The following KCNAB1 variants were observed in gnomAD, a reference collection of about 807,000 sequenced individuals.
KCNAB1 encodes the protein potassium voltage-gated channel subfamily A regulatory beta subunit 1.
Under a neutral mutation model 64.6 loss-of-function variants are expected in KCNAB1, and 35 were observed. The ratio of observed to expected loss-of-function variants is 0.54; its 90% confidence interval spans 0.41 to 0.72. The LOEUF (loss-of-function observed/expected upper bound fraction) is 0.72, where lower values mean the gene tolerates loss of function less well. Among genes scored for constraint, KCNAB1 ranks in the 30% least tolerant of loss-of-function variants. KCNAB1 has a pLI of 0.00. For synonymous variants in KCNAB1, 177 were observed against 183.8 expected (o/e 0.96, Z 0.30); for missense variants, 401 against 512.9 (o/e 0.78, Z 2.11).
At chr3:156,230,502 C>G (rs1395431383) in intron 1 of KCNAB1, among the ~76,000 whole-genome samples, 2 of 152,140 alleles carry the variant, frequency 1.3e-5, no homozygotes, top group African/African-American at 4.8e-5. Context: ...ATCTCTGTTG[C>G]TAAGCAACAT....
At chr3:156,328,560 G>A (rs921997211) in intron 1 of KCNAB1, among the ~76,000 whole-genome samples, 1 of 152,098 alleles carries the variant, frequency 6.6e-6, no homozygotes, top group Non-Finnish European at 1.5e-5. Flanking sequence ...TGTCGTTATT[G>A]TATTAAATAC....
At chr3:156,430,411 C>T (rs1224074742) in intron 2 of KCNAB1, among the ~76,000 whole-genome samples, 1 of 152,186 alleles carries the variant, frequency 6.6e-6, no homozygotes, top group East Asian at 1.9e-4. Context: ...CATTTGCCAA[C>T]CTATGATTCA....
intron 1 of KCNAB1, among the ~76,000 whole-genome samples, chr3:156,367,727 C>T (rs1726037868): frequency 6.6e-6 from 1 of 152,222 alleles, no homozygotes; most frequent in South Asian, 2.1e-4. Flanking sequence ...CCTTTTCTTT[C>T]CCCTTCTCCC....
At chr3:156,456,493 AG>A (rs1712439681) in intron 3 of KCNAB1, among the ~76,000 whole-genome samples, 1 of 152,272 alleles carries the variant, frequency 6.6e-6, no homozygotes, top group Non-Finnish European at 1.5e-5. Context: ...AATTAAAAGC[AG>A]TAATAGCATA....
intron 3 of KCNAB1, among the ~76,000 whole-genome samples, chr3:156,455,125 C>T (rs1712303787): frequency 6.6e-6 from 1 of 152,218 alleles, no homozygotes; most frequent in African/African-American, 2.4e-5. Flanking sequence ...TTCAGCCTCA[C>T]CCATCACAGA....
intron 1 of KCNAB1, among the ~76,000 whole-genome samples, chr3:156,385,611 A>T (rs1421952001): frequency 6.6e-6 from 1 of 152,246 alleles, no homozygotes; most frequent in East Asian, 1.9e-4. Flanking sequence ...AAAATAAATT[A>T]TACTAAGAGA....
chr3:156,348,164 G>A (rs1724609400), intron 1 of KCNAB1, among the ~76,000 whole-genome samples: 1 of 152,190 alleles, frequency 6.6e-6, no homozygotes, highest in African/African-American at 2.4e-5. Context: ...TTTAGATAGG[G>A]TGATTAGTGT....
intron 2 of KCNAB1, among the ~76,000 whole-genome samples, chr3:156,438,088 A>G (rs1032725710): frequency 7.9e-5 from 12 of 152,170 alleles, no homozygotes; most frequent in Admixed American, 7.9e-4. Context: ...TCAGCTTCCT[A>G]GGTGGTCCTC....
intron 3 of KCNAB1, chr3:156,453,150 A>G (rs1559891653): frequency 2.5e-6 from 1 of 395,564 alleles, no homozygotes; most frequent in Admixed American, 4.4e-5. Flanking sequence ...TGTACATTAT[A>G]TATGCAGGTT....
intron 8 of KCNAB1, among the ~76,000 whole-genome samples, chr3:156,484,229 A>T (rs991217977): frequency 1.3e-4 from 20 of 152,142 alleles, no homozygotes; most frequent in African/African-American, 4.6e-4. Flanking sequence ...CAGTAAGTTA[A>T]AAAAGGAAAA....
intron 11 of KCNAB1, among the ~76,000 whole-genome samples, chr3:156,518,632 G>A (rs1042718008): frequency 2.6e-5 from 4 of 152,294 alleles, no homozygotes; most frequent in African/African-American, 9.6e-5. Flanking sequence ...AGATTAAGAT[G>A]TTAATATTTT....
At chr3:156,448,310 T>C (rs1711736280) in intron 2 of KCNAB1, among the ~76,000 whole-genome samples, 1 of 152,224 alleles carries the variant, frequency 6.6e-6, no homozygotes, top group South Asian at 2.1e-4. Context: ...CAGGAAAGCA[T>C]GTTCTCATTA....
At chr3:156,358,314 CAT>C (rs1387115121) in intron 1 of KCNAB1, among the ~76,000 whole-genome samples, 5 of 152,150 alleles carry the variant, frequency 3.3e-5, no homozygotes, top group Non-Finnish European at 7.3e-5. Flanking sequence ...AAGGTCATGA[CAT>C]AATTTGGGGT....
intron 1 of KCNAB1, among the ~76,000 whole-genome samples, chr3:156,198,101 A>G (rs1365435815): frequency 6.6e-6 from 1 of 152,148 alleles, no homozygotes; most frequent in Non-Finnish European, 1.5e-5. Context: ...CATGGTTTTG[A>G]GTGATTTTCT....
chr3:156,306,202 G>T (rs146317475), intron 1 of KCNAB1, among the ~76,000 whole-genome samples: 2,146 of 152,280 alleles, frequency 0.014, 20 homozygotes, highest in South Asian at 0.032. Context: ...TTTGAGTGTT[G>T]ATCTGATGTG....
At chr3:156,532,870 A>G (rs975899605) in intron 13 of KCNAB1, among the ~76,000 whole-genome samples, 1 of 152,238 alleles carries the variant, frequency 6.6e-6, no homozygotes, top group Non-Finnish European at 1.5e-5. Context: ...CAATCCAATG[A>G]TTTCAGTTTC....
At chr3:156,145,334 C>G (rs1384748618) in intron 1 of KCNAB1, among the ~76,000 whole-genome samples, 1 of 152,174 alleles carries the variant, frequency 6.6e-6, no homozygotes, top group African/African-American at 2.4e-5. Context: ...TTCTCCATTA[C>G]CCACTCCCCA....
chr3:156,344,335 A>G (rs1035096701), intron 1 of KCNAB1, among the ~76,000 whole-genome samples: 1 of 152,098 alleles, frequency 6.6e-6, no homozygotes, highest in Non-Finnish European at 1.5e-5. Flanking sequence ...TGATTTTTTT[A>G]TGCTCTCTTC....
chr3:156,496,240 G>A (rs1047776723), intron 8 of KCNAB1, among the ~76,000 whole-genome samples: 6 of 151,986 alleles, frequency 3.9e-5, no homozygotes, highest in Admixed American at 6.6e-5. Flanking sequence ...ATGGTGATAC[G>A]GTTTGGCTGT....
Sources: gnomAD v4.1 joint callset for allele counts (sites outside exome capture counted in the v4.1 genomes callset) on GRCh38, gnomAD v4.1.1 for gene constraint, MANE v1.5 for transcripts, NCBI Gene and HGNC (gene_info 2026-07-23, HGNC 2026-07-21) for gene names.